The following WWOX variants were observed in gnomAD, a reference collection of about 807,000 sequenced individuals.
WWOX encodes the protein WW domain-containing oxidoreductase.
WWOX carries 69 observed loss-of-function variants against 46.2 expected under a neutral mutation model. The ratio of observed to expected loss-of-function variants is 1.49; its 90% CI spans 1.23 to 1.82. The LOEUF (loss-of-function observed/expected upper bound fraction) is 1.82. Among genes scored for constraint, WWOX ranks in the 40% most tolerant of loss-of-function variants. The pLI is 0.00. For missense variants in WWOX, 919 were observed against 542.6 expected (o/e 1.69, Z -6.89); for synonymous variants, 359 against 202.6 (o/e 1.77, Z -6.56).
chr16:78,335,036 C>G (rs932801421), intron 5 of WWOX, among the ~76,000 whole-genome samples: 1 of 152,222 alleles, frequency 6.6e-6, no homozygotes, highest in African/African-American at 2.4e-5. Flanking sequence ...TCAGCATCAC[C>G]TGGTAGCTTG....
intron 8 of WWOX, among the ~76,000 whole-genome samples, chr16:78,664,918 C>T (rs1427236709): frequency 6.6e-6 from 1 of 152,182 alleles, no homozygotes; most frequent in Non-Finnish European, 1.5e-5. Context: ...CTGGAATTGG[C>T]TCTGTCATGT....
At chr16:79,194,418 C>G (rs948680071) in intron 8 of WWOX, among the ~76,000 whole-genome samples, 4 of 152,166 alleles carry the variant, frequency 2.6e-5, no homozygotes, top group African/African-American at 9.7e-5. Context: ...AGCACACACC[C>G]AACTATGAAA....
intron 5 of WWOX, among the ~76,000 whole-genome samples, chr16:78,225,311 C>G (rs575976739): frequency 1.3e-5 from 2 of 152,286 alleles, no homozygotes; most frequent in South Asian, 4.1e-4. Context: ...GTATTATAAT[C>G]TGATGGGATC....
intron 4 of WWOX, among the ~76,000 whole-genome samples, chr16:78,125,950 TAAG>T (rs1224897262): frequency 2.0e-5 from 3 of 151,824 alleles, no homozygotes; most frequent in Admixed American, 2.0e-4. Context: ...AAAATAAAAA[TAAG>T]AATAAAAGAT....
At chr16:78,563,186 G>A (rs1368666389) in intron 8 of WWOX, among the ~76,000 whole-genome samples, 1 of 152,104 alleles carries the variant, frequency 6.6e-6, no homozygotes, top group African/African-American at 2.4e-5. Flanking sequence ...GATTACATGG[G>A]AAAATAAATC....
intron 8 of WWOX, among the ~76,000 whole-genome samples, chr16:78,865,691 C>T (rs1302267265): frequency 1.3e-5 from 2 of 152,036 alleles, no homozygotes; most frequent in South Asian, 4.2e-4. Context: ...ACCAGCCTGG[C>T]CAACATGGTG....
chr16:78,490,508 G>A (rs538952561), intron 8 of WWOX, among the ~76,000 whole-genome samples: 38 of 152,112 alleles, frequency 2.5e-4, no homozygotes, highest in Non-Finnish European at 4.7e-4. Context: ...AGGAGGTCAC[G>A]AACATGCGTT....
chr16:78,591,670 T>C (rs1159675963), intron 8 of WWOX, among the ~76,000 whole-genome samples: 1 of 152,228 alleles, frequency 6.6e-6, no homozygotes, highest in Admixed American at 6.5e-5. Flanking sequence ...AGCATAACCA[T>C]ATCAGTTTGT....
At chr16:78,536,396 T>C (rs1354518188) in intron 8 of WWOX, among the ~76,000 whole-genome samples, 2 of 151,850 alleles carry the variant, frequency 1.3e-5, no homozygotes, top group Non-Finnish European at 2.9e-5. Flanking sequence ...CAAGATAATG[T>C]AATCTGCCCC....
At chr16:78,994,868 A>G (rs896971930) in intron 8 of WWOX, among the ~76,000 whole-genome samples, 1 of 151,430 alleles carries the variant, frequency 6.6e-6, no homozygotes, top group African/African-American at 2.4e-5. Flanking sequence ...AGCCATTATT[A>G]TAATGTGAAA....
chr16:78,615,170 A>G (rs2045992125), intron 8 of WWOX, among the ~76,000 whole-genome samples: 1 of 152,172 alleles, frequency 6.6e-6, no homozygotes, highest in African/African-American at 2.4e-5. Context: ...TATTTTTTAG[A>G]GGTTGTAAGC....
rs181867399 is a variant in WWOX, at chr16:79,049,421, C to A, written c.1057-162187C>A. 4.6e-5 allele frequency among the ~76,000 whole-genome samples: 7 copies of A among 152,264 alleles called. No homozygotes were observed. In the East Asian group the frequency reaches 1.4e-3, roughly 29 times the overall value. On this transcript the variant is annotated intron_variant, in intron 8 of 8. Coordinates refer to ENST00000566780, the MANE Select transcript of WWOX (RefSeq NM_016373.4). ...GGGCTGGCAGTTGTAGGACGCAAAA[C>A]CTTGAGGGGCATCGATATTCTGGTA...
chr16:78,395,941 T>TA (rs548369042), intron 6 of WWOX, among the ~76,000 whole-genome samples: 78 of 152,308 alleles, frequency 5.1e-4, no homozygotes, highest in African/African-American at 1.8e-3. Context: ...TGAGTTGCCA[T>TA]AAAAGCAGCC....
chr16:79,209,692 C>A (rs896977035), intron 8 of WWOX, among the ~76,000 whole-genome samples: 4 of 152,108 alleles, frequency 2.6e-5, no homozygotes, highest in Non-Finnish European at 5.9e-5. Context: ...GATTCCAGGC[C>A]AAAATAATAC....
intron 8 of WWOX, among the ~76,000 whole-genome samples, chr16:79,166,613 G>A (rs2050599828): frequency 1.3e-5 from 2 of 152,088 alleles, no homozygotes; most frequent in African/African-American, 4.8e-5. Context: ...GAGTTGTGCT[G>A]GTTAACTGCA....
chr16:78,838,495 C>T (rs1168611051), intron 8 of WWOX, among the ~76,000 whole-genome samples: 1 of 152,118 alleles, frequency 6.6e-6, no homozygotes, highest in Non-Finnish European at 1.5e-5. Context: ...CAAAAGATTA[C>T]ATTGGTAGGA....
chr16:78,128,335 C>G (rs918283813), intron 4 of WWOX, among the ~76,000 whole-genome samples: 1 of 152,120 alleles, frequency 6.6e-6, no homozygotes, highest in African/African-American at 2.4e-5. Flanking sequence ...ATGATGCGAT[C>G]TCATTTAAAG....
rs528443198 is a variant in WWOX, at chr16:78,902,534, C to T, written c.1057-309074C>T. On this transcript the variant is annotated intron_variant, in intron 8 of 8. Transcript: ENST00000566780. ...TAGACTGCGGCTTTCCAGGCCTTCC[C>T]CCGTGACTGCTGCGGGGGCCTAGGC... is the stretch of plus-strand genomic sequence containing the variant. 1.8e-3 allele frequency among the ~76,000 whole-genome samples: 278 copies of T among 152,330 alleles called. 1 individual carries two copies. Among genetic ancestry groups the T allele is most frequent in the African/African-American group, 6.4e-3 (268 of 41,576 alleles).
At chr16:78,382,220 A>G (rs890518760) in intron 5 of WWOX, among the ~76,000 whole-genome samples, 2 of 152,196 alleles carry the variant, frequency 1.3e-5, no homozygotes, top group African/African-American at 2.4e-5. Flanking sequence ...GACACATAGC[A>G]CGTTGCACCT....
Sources: allele counts gnomAD v4.1 joint callset (sites outside exome capture counted in the v4.1 genomes callset), GRCh38; gene constraint gnomAD v4.1.1; transcripts MANE v1.5; gene names NCBI Gene and HGNC (gene_info 2026-07-23, HGNC 2026-07-21).